RARB: variants seen among roughly 807,000 people sequenced by gnomAD.
RARB encodes retinoic acid receptor beta.
In RARB, 17 loss-of-function variants were observed where a neutral mutation model predicts 51.9. The ratio of observed to expected loss-of-function variants is 0.33; its 90% CI spans 0.22 to 0.49. The LOEUF (loss-of-function observed/expected upper bound fraction) is 0.49, where lower values mean the gene tolerates loss of function less well. RARB is among the 20% of genes least tolerant of loss of function. The probability of loss-of-function intolerance (pLI) is 0.99; values close to 1 mark genes in which losing one functional copy is unlikely to be tolerated. For missense variants in RARB, 369 were observed against 550.8 expected, an observed-to-expected ratio of 0.67 and a Z score of 3.30; for synonymous variants, 215 against 195.4, an observed-to-expected ratio of 1.10 and a Z score of -0.84.
At chr3:25,472,385 T>C (rs1695740497) in intron 2 of RARB, among the ~76,000 whole-genome samples, 1 of 152,182 alleles carries the variant, frequency 6.6e-6, no homozygotes, top group Non-Finnish European at 1.5e-5. Flanking sequence ...ATGGGACACG[T>C]GACCAAAACC....
chr3:24,849,990 C>T (rs192165958), intron 1 of RARB, among the ~76,000 whole-genome samples: 1 of 152,210 alleles, frequency 6.6e-6, no homozygotes, highest in Admixed American at 6.5e-5. Flanking sequence ...AAAGCACAGA[C>T]ATTTCTCGCA....
At chr3:25,326,851 T>C (rs1002374342) in intron 5 of RARB, among the ~76,000 whole-genome samples, 2 of 151,970 alleles carry the variant, frequency 1.3e-5, no homozygotes, top group African/African-American at 4.8e-5. Flanking sequence ...ATTTTATTAT[T>C]ATTATACTTT....
intron 5 of RARB, among the ~76,000 whole-genome samples, chr3:25,349,933 T>A (rs1559367423): frequency 6.6e-6 from 1 of 152,062 alleles, no homozygotes; most frequent in Non-Finnish European, 1.5e-5. Context: ...CTTCACTCAC[T>A]TTGATTGACA....
intron 5 of RARB, among the ~76,000 whole-genome samples, chr3:25,386,455 T>C (rs1706797000): frequency 6.6e-6 from 1 of 152,180 alleles, no homozygotes; most frequent in African/African-American, 2.4e-5. Context: ...AAAAAGTAGC[T>C]TTTTAGAAAG....
rs183140963 is a variant in RARB at position 24,906,338 on chromosome 3, G to A, written c.-380+47586G>A. On this transcript the variant is annotated intron_variant, in intron 2 of 11. Transcript: ENST00000383772. The stretch of plus-strand genomic sequence containing the variant: ...TAGTGTTTGGATTGACTTGGATATA[G>A]CAGATGCAGGCAGAATGAAAATTCA... Among the ~76,000 whole-genome samples, 271 of 152,306 alleles carry A rather than the reference G, an allele frequency of 1.8e-3. 2 individuals are homozygous for A. The highest frequency in any genetic ancestry group is 4.2e-3 in the Admixed American group (64 of 15,298).
At chr3:25,434,255 C>G (rs1708329585) in intron 1 of RARB, among the ~76,000 whole-genome samples, 1 of 152,142 alleles carries the variant, frequency 6.6e-6, no homozygotes, top group Non-Finnish European at 1.5e-5. Flanking sequence ...GATGATGTCC[C>G]TGATTTCCAA....
At chr3:25,102,433 G>A (rs1038472634) in intron 3 of RARB, among the ~76,000 whole-genome samples, 2 of 151,904 alleles carry the variant, frequency 1.3e-5, no homozygotes, top group Non-Finnish European at 2.9e-5. Context: ...CCAACTACTC[G>A]GGGGGCTGAG....
At chr3:24,929,343 T>A (rs1040680556) in intron 2 of RARB, among the ~76,000 whole-genome samples, 1 of 152,024 alleles carries the variant, frequency 6.6e-6, no homozygotes, top group African/African-American at 2.4e-5. Flanking sequence ...GCTATTCTTA[T>A]GGATAAATTA....
At chr3:25,496,069 T>C (rs1377522065) in intron 2 of RARB, among the ~76,000 whole-genome samples, 2 of 152,182 alleles carry the variant, frequency 1.3e-5, no homozygotes, top group African/African-American at 4.8e-5. Context: ...ACAAATGATA[T>C]CACCCTCAAG....
chr3:25,399,884 C>T (rs1452810209), intron 5 of RARB, among the ~76,000 whole-genome samples: 1 of 152,152 alleles, frequency 6.6e-6, no homozygotes, highest in Non-Finnish European at 1.5e-5. Flanking sequence ...GAGTTAGGGT[C>T]TCTGCTGATG....
At chr3:25,434,690 T>C (rs1161629267) in intron 1 of RARB, among the ~76,000 whole-genome samples, 9 of 151,966 alleles carry the variant, frequency 5.9e-5, no homozygotes, top group African/African-American at 2.2e-4. Context: ...TACAGGCGTG[T>C]GCCACCACAC....
At position 25,594,558 on chromosome 3, in the gene RARB, C is replaced by G; in HGVS notation, c.1030C>G (p.Leu344Val). 1 of 1,613,300 alleles carries G rather than the reference C, an allele frequency of 6.2e-7. No homozygotes were observed. The highest frequency in any genetic ancestry group is 8.5e-7 in the Non-Finnish European group (1 of 1,179,716). ...DLEEPTKVDK[L>V]QEPLLEALKI... Reference sequence around the variant, plus strand: ...TGAGGAACCGACAAAAGTAGATAAGCTACAAGAACCATTGCTGGAAGCACT... The same window carrying G: ...TGAGGAACCGACAAAAGTAGATAAGGTACAAGAACCATTGCTGGAAGCACT... The change falls in exon 7 of 8, where the codon CTA (leucine) becomes GTA (valine). Residue 344 changes from leucine (L) to valine (V), a missense_variant. This residue lies in a region of RARB where 76 missense variants were observed against 153.3 expected (regional missense o/e 0.50). Coordinates refer to ENST00000330688, the MANE Select transcript of RARB (RefSeq NM_000965.5).
At chr3:25,002,758 G>GTATATA (rs57131226) in intron 2 of RARB, among the ~76,000 whole-genome samples, 75 of 125,228 alleles carry the variant, frequency 6.0e-4, no homozygotes, top group African/African-American at 2.7e-3. Context: ...CTGTGTGTGT[G>GTATATA]TGTATATATA....
intron 5 of RARB, among the ~76,000 whole-genome samples, chr3:25,245,132 G>GC (rs1553648434): frequency 6.6e-6 from 1 of 151,466 alleles, no homozygotes; most frequent in African/African-American, 2.4e-5. Flanking sequence ...TGCAACTCCT[G>GC]TTTTTTTTGC....
chr3:25,124,170 C>T (rs950090617), intron 3 of RARB, among the ~76,000 whole-genome samples: 6 of 152,126 alleles, frequency 3.9e-5, no homozygotes, highest in African/African-American at 1.4e-4. Context: ...GTCAGGAGTT[C>T]AAGACCATCC....
chr3:25,057,635 T>C (rs1229026113), intron 2 of RARB, among the ~76,000 whole-genome samples: 3 of 151,922 alleles, frequency 2.0e-5, no homozygotes, highest in Non-Finnish European at 4.4e-5. Flanking sequence ...GAGAACAGCT[T>C]CAAAGGAAAA....
In RARB at chr3:25,188,643, G is replaced by C. The variant is rs117903825; in HGVS notation, c.178+14068G>C. The stretch of plus-strand genomic sequence containing the variant: ...ACTCTACCCATGACTAAGTCATTCT[G>C]TATTTTATTAGGCTTCAGCTAAATT... On this transcript the variant is annotated intron_variant, in intron 5 of 11. Transcript: ENST00000383772. Among the ~76,000 whole-genome samples the C allele has an allele frequency of 2.3e-3, 356 of 152,106 alleles. 2 individuals are homozygous for C. The highest frequency in any genetic ancestry group is 0.02 in the East Asian group (105 of 5,160).
intron 2 of RARB, among the ~76,000 whole-genome samples, chr3:25,500,300 A>G (rs1425212512): frequency 6.6e-6 from 1 of 152,022 alleles, no homozygotes. Context: ...ATGGGCAGAC[A>G]CTCATTTTTA....
chr3:25,462,357 T>C (rs562025945), intron 2 of RARB: 1 of 152,282 alleles, frequency 6.6e-6, no homozygotes, highest in Admixed American at 6.5e-5. Flanking sequence ...AACTCATCCA[T>C]AAAAAATTTC....
Sources: gnomAD v4.1 joint callset for allele counts (sites outside exome capture counted in the v4.1 genomes callset) on GRCh38, gnomAD v4.1.1 for gene constraint, gnomAD v4.1.1 regional missense constraint, MANE v1.5 for transcripts, NCBI Gene and HGNC (gene_info 2026-07-23, HGNC 2026-07-21) for gene names.